Variants in RPH3A observed in about 807,000 individuals in gnomAD.
The protein encoded by RPH3A is rabphilin-3A.
Under a neutral mutation model 102.2 loss-of-function variants are expected in RPH3A, and 48 were observed. The ratio of observed to expected loss-of-function variants is 0.47; its 90% CI spans 0.37 to 0.60. The LOEUF is 0.60. Among genes scored for constraint, RPH3A ranks in the 20% least tolerant of loss-of-function variants. RPH3A has a pLI of 0.00. For synonymous variants in RPH3A, 310 were observed against 324.3 expected, an observed-to-expected ratio of 0.96 and a Z score of 0.47; for missense variants, 781 against 910.1, an observed-to-expected ratio of 0.86 and a Z score of 1.83.
chr12:112,578,837 C>CTA (rs2039376726), intron 1 of RPH3A, among the ~76,000 whole-genome samples: 1 of 152,140 alleles, frequency 6.6e-6, no homozygotes, highest in Non-Finnish European at 1.5e-5. Flanking sequence ...CATGCTCCAT[C>CTA]TATAGGAGCA....
At chr12:112,769,588 G>A (rs185609761) in intron 1 of RPH3A, among the ~76,000 whole-genome samples, 5 of 152,170 alleles carry the variant, frequency 3.3e-5, no homozygotes, top group African/African-American at 7.2e-5. Flanking sequence ...TGAAAGTCCC[G>A]CCTTATTCTC....
intron 1 of RPH3A, among the ~76,000 whole-genome samples, chr12:112,674,208 C>T (rs930895514): frequency 2.0e-5 from 3 of 152,184 alleles, no homozygotes; most frequent in Admixed American, 2.0e-4. Flanking sequence ...CAAGTGTGTG[C>T]CACCGCACTT....
At chr12:112,746,852 C>T (rs1016239429) in intron 1 of RPH3A, among the ~76,000 whole-genome samples, 1 of 152,088 alleles carries the variant, frequency 6.6e-6, no homozygotes, top group Non-Finnish European at 1.5e-5. Flanking sequence ...ACCTCTCTCC[C>T]CATCTCTTTC....
intron 1 of RPH3A, among the ~76,000 whole-genome samples, chr12:112,576,754 T>G (rs1052044195): frequency 6.6e-6 from 1 of 151,742 alleles, no homozygotes; most frequent in Non-Finnish European, 1.5e-5. Flanking sequence ...TTTTGGAAGG[T>G]GTGGCTATAC....
At chr12:112,606,936 C>A (rs2135971961) in intron 1 of RPH3A, among the ~76,000 whole-genome samples, 1 of 152,316 alleles carries the variant, frequency 6.6e-6, no homozygotes, top group South Asian at 2.1e-4. Context: ...CAGATCCAAA[C>A]CACATCAGCA....
At chr12:112,824,997 C>T (rs1390736720) in intron 2 of RPH3A, among the ~76,000 whole-genome samples, 1 of 151,584 alleles carries the variant, frequency 6.6e-6, no homozygotes, top group Non-Finnish European at 1.5e-5. Flanking sequence ...AAGATGAAAC[C>T]TTCAGTTACA....
chr12:112,642,394 T>G (rs769339494), intron 1 of RPH3A, among the ~76,000 whole-genome samples: 1 of 152,214 alleles, frequency 6.6e-6, no homozygotes, highest in Non-Finnish European at 1.5e-5. Flanking sequence ...GATACCCAGC[T>G]AGATTTGAGT....
intron 2 of RPH3A, among the ~76,000 whole-genome samples, chr12:112,804,986 G>T (rs2041429067): frequency 6.6e-6 from 1 of 152,086 alleles, no homozygotes. Flanking sequence ...AGAAGAACTA[G>T]GCATTTATAG....
intron 1 of RPH3A, among the ~76,000 whole-genome samples, chr12:112,601,780 A>G (rs1487133372): frequency 2.0e-5 from 3 of 151,978 alleles, no homozygotes; most frequent in Admixed American, 6.6e-5. Flanking sequence ...AAAAACAAAA[A>G]AATTAGCCAG....
At chr12:112,810,903 T>C (rs2041560966) in intron 2 of RPH3A, among the ~76,000 whole-genome samples, 3 of 152,140 alleles carry the variant, frequency 2.0e-5, no homozygotes, top group Admixed American at 2.0e-4. Flanking sequence ...ATTTATTATG[T>C]ATATAATACA....
chr12:112,665,567 C>T (rs1050766028), intron 1 of RPH3A, among the ~76,000 whole-genome samples: 3 of 152,076 alleles, frequency 2.0e-5, no homozygotes, highest in Non-Finnish European at 4.4e-5. Flanking sequence ...ATAAGTAAAC[C>T]TAGGTAAAGG....
chr12:112,895,751 C>G, intron 20 of RPH3A, 26 bp from the exon 21 acceptor site: 2 of 1,556,884 alleles, frequency 1.3e-6, no homozygotes, highest in South Asian at 2.2e-5. Flanking sequence ...GGCTCTTACC[C>G]ACATGTCTTC....
intron 2 of RPH3A, chr12:112,813,480 A>G (rs2041616615): frequency 6.6e-6 from 1 of 152,264 alleles, no homozygotes; most frequent in South Asian, 2.1e-4. Flanking sequence ...CATGAGAACT[A>G]AGAGAAGCTT....
At chr12:112,710,598 T>C (rs1316007356) in intron 1 of RPH3A, among the ~76,000 whole-genome samples, 5 of 152,216 alleles carry the variant, frequency 3.3e-5, no homozygotes, top group Admixed American at 3.3e-4. Flanking sequence ...AAGCAAGAGC[T>C]TCCCTAGTGT....
In RPH3A at chr12:112,895,757, T is replaced by C; in HGVS notation, c.1858-20T>C. The stretch of plus-strand genomic sequence containing the variant: ...GGTTCAGAGGGCTCTTACCCACATG[T>C]CTTCCTCTGTTGTATTCAGGAGTTT... On this transcript the variant is annotated intron_variant, in intron 20 of 21. Coordinates refer to ENST00000389385, the MANE Select transcript of RPH3A (RefSeq NM_001143854.2). 1.3e-6 allele frequency: 2 copies of C among 1,582,092 alleles called. No homozygotes were observed. Among genetic ancestry groups the C allele is most frequent in the East Asian group, 4.5e-5 (2 of 44,702 alleles).
At chr12:112,890,669 G>C (rs1262407725) in intron 18 of RPH3A, among the ~76,000 whole-genome samples, 180 bp from the exon 19 acceptor site, 2 of 152,200 alleles carry the variant, frequency 1.3e-5, no homozygotes, top group Non-Finnish European at 2.9e-5. Context: ...CCTGAGACTG[G>C]TCCTCAACTT....
intron 1 of RPH3A, among the ~76,000 whole-genome samples, chr12:112,587,144 C>T (rs2039444973): frequency 6.6e-6 from 1 of 152,146 alleles, no homozygotes; most frequent in Non-Finnish European, 1.5e-5. Context: ...TTTGATTTAA[C>T]CCTTGTTTCC....
chr12:112,629,243 G>T (rs1407662479), intron 1 of RPH3A, among the ~76,000 whole-genome samples: 6 of 151,944 alleles, frequency 3.9e-5, no homozygotes, highest in Admixed American at 3.9e-4. Context: ...GCTCAGATAG[G>T]GTATCGCCCT....
intron 1 of RPH3A, among the ~76,000 whole-genome samples, chr12:112,698,182 G>C (rs4766649): frequency 6.6e-6 from 1 of 152,020 alleles, no homozygotes; most frequent in Admixed American, 6.5e-5. Flanking sequence ...AACAAATTGT[G>C]CTAGGACAAT....
Sources: allele counts gnomAD v4.1 joint callset (sites outside exome capture counted in the v4.1 genomes callset), GRCh38; gene constraint gnomAD v4.1.1; transcripts MANE v1.5; gene names NCBI Gene and HGNC (gene_info 2026-07-23, HGNC 2026-07-21).